Variants in SGCG observed in about 807,000 individuals in gnomAD.
SGCG encodes sarcoglycan gamma.
In SGCG, 26 loss-of-function variants were observed where a neutral mutation model predicts 29.3. The observed-to-expected ratio is 0.89, with a 90% CI of 0.65 to 1.23. The LOEUF is 1.23. Among genes scored for constraint, SGCG ranks in the 50% most tolerant of loss-of-function variants. The pLI is 0.00. For missense variants in SGCG, 353 were observed against 356.0 expected (o/e 0.99, Z 0.07); for synonymous variants, 145 against 129.7 (o/e 1.12, Z -0.80).
chr13:23,174,279 T>A, the SGCG span, among the ~76,000 whole-genome samples: 1 of 152,114 alleles, frequency 6.6e-6, no homozygotes, highest in Non-Finnish European at 1.5e-5. Flanking sequence ...AGAGCCTGCA[T>A]CACACCAATA....
intron 3 of SGCG, among the ~76,000 whole-genome samples, chr13:23,248,204 C>CA (rs570432920): frequency 7.3e-5 from 11 of 151,442 alleles, no homozygotes; most frequent in African/African-American, 1.2e-4. Flanking sequence ...AAATTTCTAT[C>CA]AAAAAAAAAT....
chr13:23,282,610 G>A (rs1229117272), intron 5 of SGCG, among the ~76,000 whole-genome samples: 4 of 152,156 alleles, frequency 2.6e-5, no homozygotes, highest in Non-Finnish European at 4.4e-5. Flanking sequence ...GTGCTAGTTT[G>A]CTAAGGATAA....
At position 23,203,756 on chromosome 13, in the gene SGCG, A is replaced by C; in HGVS notation, c.62A>C (p.Gln21Pro). 6.2e-7 allele frequency: 1 copy of C among 1,614,088 alleles called. No individual in the cohort carries two copies. The highest frequency in any genetic ancestry group is 8.5e-7 in the Non-Finnish European group (1 of 1,179,940). ...EGICIERPEN[Q>P]YVYKIGIYGW... The stretch of plus-strand genomic sequence containing the variant: ...ATCTGCATAGAGAGGCCAGAGAATC[A>C]GTATGTCTACAAAATTGGCATTTAT... Residue 21 changes from glutamine (Q) to proline (P), a missense_variant, in exon 2 of 8, where the codon CAG becomes CCG. Transcript: ENST00000218867.
At chr13:23,305,194 A>C (rs1453188782) in intron 6 of SGCG, among the ~76,000 whole-genome samples, 6 of 152,242 alleles carry the variant, frequency 3.9e-5, no homozygotes, top group African/African-American at 9.6e-5. Flanking sequence ...CTACCCAAGA[A>C]CAGGGGGTGT....
At chr13:23,306,972 A>C (rs1038655884) in intron 6 of SGCG, among the ~76,000 whole-genome samples, 2 of 152,218 alleles carry the variant, frequency 1.3e-5, no homozygotes, top group African/African-American at 2.4e-5. Context: ...TAATACTCCA[A>C]ATGTAAATGT....
intron 2 of SGCG, among the ~76,000 whole-genome samples, chr13:23,211,914 T>C (rs61948485): frequency 0.061 from 9,267 of 152,236 alleles, 397 homozygotes; most frequent in Middle Eastern, 0.15. Context: ...ATACCTAGTG[T>C]TGAGGTGCAG....
intron 5 of SGCG, among the ~76,000 whole-genome samples, chr13:23,286,618 A>G (rs1044126776): frequency 1.1e-4 from 16 of 152,246 alleles, no homozygotes; most frequent in African/African-American, 3.9e-4. Context: ...TTTCTTATAC[A>G]TACATACTGT....
intron 6 of SGCG, among the ~76,000 whole-genome samples, chr13:23,298,412 TA>T (rs1471580023): frequency 1.3e-5 from 2 of 152,110 alleles, no homozygotes; most frequent in African/African-American, 4.8e-5. Context: ...CCCTAAATAA[TA>T]AAGGATTAGG....
chr13:23,301,250 G>A (rs1313876854), intron 6 of SGCG, among the ~76,000 whole-genome samples: 1 of 151,656 alleles, frequency 6.6e-6, no homozygotes, highest in Non-Finnish European at 1.5e-5. Context: ...CTCAAATGAG[G>A]AAAAAAATGA....
At chr13:23,307,809 A>C (rs892820937) in intron 6 of SGCG, among the ~76,000 whole-genome samples, 7 of 152,256 alleles carry the variant, frequency 4.6e-5, no homozygotes, top group Non-Finnish European at 8.8e-5. Context: ...AGAATATCAT[A>C]AATACATAAC....
chr13:23,227,089 C>A (rs928974837), intron 2 of SGCG, among the ~76,000 whole-genome samples: 1 of 151,932 alleles, frequency 6.6e-6, no homozygotes, highest in South Asian at 2.1e-4. Context: ...TGGCATGAAT[C>A]CCCCTTGTTC....
the SGCG span, among the ~76,000 whole-genome samples, chr13:23,163,414 A>G: frequency 6.6e-6 from 1 of 152,210 alleles, no homozygotes; most frequent in Non-Finnish European, 1.5e-5. Context: ...CTGTCTAGAA[A>G]AATGTCTGGA....
intron 2 of SGCG, among the ~76,000 whole-genome samples, chr13:23,225,296 T>A (rs968818436): frequency 2.6e-5 from 4 of 152,182 alleles, no homozygotes; most frequent in Admixed American, 1.3e-4. Context: ...TTATTTTGTA[T>A]TATTCATCAC....
Position 23,203,831 on chromosome 13 carries a change from T to G in SGCG, c.137T>G (p.Ile46Ser), listed in dbSNP as rs1019389043. ...LYLFVLLLLI[I>S]LVVNLALTIW... ...TTGTTTGTTCTTCTTTTACTCATCATCCTCGTTGTGAATTTAGCTCTTACA... is the reference window on the plus strand; with the variant it reads ...TTGTTTGTTCTTCTTTTACTCATCAGCCTCGTTGTGAATTTAGCTCTTACA... The change falls in exon 2 of 8, where the codon ATC becomes AGC. Residue 46 changes from isoleucine to serine, a missense_variant. Physicochemically the swap from Ile to Ser is moderately radical, Grantham distance 142 (BLOSUM62 -2). Transcript: ENST00000218867. 4 of 1,614,006 alleles carry G rather than the reference T, an allele frequency of 2.5e-6. No homozygotes were observed. The Admixed American group carries it at 6.7e-5, about 27-fold the overall frequency.
intron 3 of SGCG, among the ~76,000 whole-genome samples, chr13:23,241,521 C>T (rs186977778): frequency 3.1e-3 from 466 of 152,232 alleles, no homozygotes; most frequent in Non-Finnish European, 6.1e-3. Context: ...AAGGCTTCAC[C>T]GCTGAATTCT....
chr13:23,188,564 C>A (rs1042861771), intron 1 of SGCG, among the ~76,000 whole-genome samples: 13 of 151,004 alleles, frequency 8.6e-5, no homozygotes, highest in Non-Finnish European at 1.6e-4. Flanking sequence ...AGCAATCCGC[C>A]TGCCTCTGCC....
At chr13:23,210,584 G>C (rs652074) in intron 2 of SGCG, among the ~76,000 whole-genome samples, 8 of 152,032 alleles carry the variant, frequency 5.3e-5, no homozygotes, top group Non-Finnish European at 5.9e-5. Context: ...CCAGCTACTC[G>C]GGAGGCTGAA....
chr13:23,162,337 G>A, the SGCG span, among the ~76,000 whole-genome samples: 2 of 152,172 alleles, frequency 1.3e-5, no homozygotes, highest in Non-Finnish European at 2.9e-5. Context: ...TATCCTGGGC[G>A]GGCGCGGTGG....
At chr13:23,271,007 A>G (rs931277806) in intron 4 of SGCG, among the ~76,000 whole-genome samples, 4 of 152,152 alleles carry the variant, frequency 2.6e-5, no homozygotes, top group African/African-American at 9.7e-5. Flanking sequence ...AGATCACCTG[A>G]GGTCAGGAGT....
Sources: gnomAD v4.1 joint callset for allele counts (sites outside exome capture counted in the v4.1 genomes callset) on GRCh38, gnomAD v4.1.1 for gene constraint, MANE v1.5 for transcripts, NCBI Gene and HGNC (gene_info 2026-07-23, HGNC 2026-07-21) for gene names.